The following RBMS3 variants were observed in gnomAD, a reference collection of about 807,000 sequenced individuals.
The protein encoded by RBMS3 is RNA-binding motif, single-stranded-interacting protein 3.
Under a neutral mutation model 66.8 loss-of-function variants are expected in RBMS3, and 27 were observed. The ratio of observed to expected loss-of-function variants is 0.40; its 90% CI spans 0.30 to 0.56. The LOEUF (loss-of-function observed/expected upper bound fraction) is 0.56. Ranked by LOEUF, RBMS3 falls within the 20% of genes least tolerant of loss-of-function variation. The pLI is 0.40. For missense variants in RBMS3, 513 were observed against 549.5 expected (o/e 0.93, Z 0.66); for synonymous variants, 188 against 183.0 (o/e 1.03, Z -0.22).
chr3:29,855,735 T>C (rs2059057870), intron 6 of RBMS3, among the ~76,000 whole-genome samples: 1 of 152,232 alleles, frequency 6.6e-6, no homozygotes, highest in Non-Finnish European at 1.5e-5. Context: ...TTAAGTTCAA[T>C]CTTGGCTTAT....
chr3:29,993,352 ATTGGCTATGTAT>A (rs1471900144), intron 14 of RBMS3, among the ~76,000 whole-genome samples: 1 of 151,932 alleles, frequency 6.6e-6, no homozygotes, highest in East Asian at 1.9e-4. Context: ...AGGAGCAGAT[ATTGGCTATGTAT>A]AAAGCATAGC....
intron 3 of RBMS3, among the ~76,000 whole-genome samples, chr3:29,532,961 A>T (rs2045422498): frequency 6.6e-6 from 1 of 152,120 alleles, no homozygotes; most frequent in African/African-American, 2.4e-5. Flanking sequence ...CGATTTTTGA[A>T]TTTCTACATA....
chr3:29,937,961 C>T (rs892139838), intron 11 of RBMS3, among the ~76,000 whole-genome samples: 4 of 151,524 alleles, frequency 2.6e-5, no homozygotes, highest in Admixed American at 6.6e-5. Context: ...GTAATTTTAC[C>T]GTATTGAATA....
chr3:29,609,343 A>G (rs2048417817), intron 4 of RBMS3, among the ~76,000 whole-genome samples: 1 of 151,978 alleles, frequency 6.6e-6, no homozygotes, highest in Non-Finnish European at 1.5e-5. Flanking sequence ...CAGGAAGCAC[A>G]GACCTCAATG....
chr3:29,895,043 T>C (rs2060094218), intron 8 of RBMS3, among the ~76,000 whole-genome samples: 1 of 151,540 alleles, frequency 6.6e-6, no homozygotes, highest in African/African-American at 2.4e-5. Flanking sequence ...CTGATTGTGC[T>C]AGCCAGTGCA....
At chr3:29,988,267 C>G (rs765580728) in intron 13 of RBMS3, 44 bp downstream of exon 13, 4 of 1,505,860 alleles carry the variant, frequency 2.7e-6, no homozygotes, top group Middle Eastern at 1.7e-4. Context: ...AGAAATAAAT[C>G]TCAGTCACAT....
chr3:29,849,122 A>G (rs1463947147), intron 6 of RBMS3, among the ~76,000 whole-genome samples: 6 of 152,028 alleles, frequency 3.9e-5, no homozygotes, highest in Non-Finnish European at 7.4e-5. Context: ...TCTTTCACAC[A>G]TACTTATGCA....
At chr3:29,362,418 C>T (rs1045549815) in intron 1 of RBMS3, among the ~76,000 whole-genome samples, 6 of 152,182 alleles carry the variant, frequency 3.9e-5, no homozygotes, top group Non-Finnish European at 5.9e-5. Flanking sequence ...GGTTTTGTCT[C>T]AGAGGAGTAC....
intron 12 of RBMS3, among the ~76,000 whole-genome samples, chr3:29,967,778 A>C (rs1326754311): frequency 6.6e-6 from 1 of 152,008 alleles, no homozygotes; most frequent in Non-Finnish European, 1.5e-5. Flanking sequence ...AGTAGCCTTG[A>C]ATTATCTTTT....
rs531654463 is a variant in RBMS3, at chr3:29,561,694, G to A, written c.308-25420G>A. Among the ~76,000 whole-genome samples, 224 of 152,060 alleles carry A rather than the reference G, an allele frequency of 1.5e-3. 1 individual carries two copies. The highest frequency in any genetic ancestry group is 5.1e-3 in the African/African-American group (210 of 41,484). The stretch of plus-strand genomic sequence containing the variant: ...TCTCAAACTCCTGACCTTGTGATCC[G>A]CCCGCCTCGGCCTCCCAAAGTGCTA... On this transcript the variant is annotated intron_variant, in intron 3 of 14. Coordinates refer to ENST00000383767, the MANE Select transcript of RBMS3 (RefSeq NM_001003793.3).
intron 7 of RBMS3, among the ~76,000 whole-genome samples, chr3:29,877,952 C>T (rs1158930081): frequency 6.6e-6 from 1 of 152,010 alleles, no homozygotes; most frequent in Non-Finnish European, 1.5e-5. Context: ...CATCTAGTAC[C>T]GTGGTCCTCA....
In RBMS3 at chr3:29,917,410, G is replaced by A. The variant is rs568881123; in HGVS notation, c.939+17655G>A. ...CTTTTTCATTTAAACAACATTTAAA[G>A]AGAACCCACTATGTACCAGATATGT... On this transcript the variant is annotated intron_variant, in intron 10 of 14. Coordinates refer to ENST00000383767, the MANE Select transcript of RBMS3 (RefSeq NM_001003793.3). Among the ~76,000 whole-genome samples, 89 of 152,148 alleles carry A rather than the reference G, an allele frequency of 5.8e-4. 1 individual carries two copies. Among genetic ancestry groups the A allele is most frequent in the African/African-American group, 2.0e-3 (84 of 41,522 alleles).
At chr3:29,724,091 T>G (rs1230831350) in intron 4 of RBMS3, among the ~76,000 whole-genome samples, 1 of 151,980 alleles carries the variant, frequency 6.6e-6, no homozygotes, top group Non-Finnish European at 1.5e-5. Context: ...ATAGGAACAG[T>G]GTTATGTTTC....
At chr3:29,316,034 T>C (rs2034653024) in intron 1 of RBMS3, among the ~76,000 whole-genome samples, 1 of 151,742 alleles carries the variant, frequency 6.6e-6, no homozygotes. Flanking sequence ...CTACCTCTTA[T>C]TGGTTTTGAT....
At chr3:29,607,580 C>T (rs749911216) in intron 4 of RBMS3, among the ~76,000 whole-genome samples, 1 of 151,912 alleles carries the variant, frequency 6.6e-6, no homozygotes, top group Non-Finnish European at 1.5e-5. Context: ...TGGGGGGATG[C>T]AACATTCAGA....
intron 4 of RBMS3, among the ~76,000 whole-genome samples, chr3:29,666,153 G>A (rs1341613541): frequency 1.3e-5 from 2 of 152,098 alleles, no homozygotes; most frequent in African/African-American, 4.8e-5. Context: ...TCTCTTTCAA[G>A]CATTTGTTCA....
In RBMS3 at chr3:29,478,652, T is replaced by A. The variant is rs1431926019; in HGVS notation, c.249-9789T>A. Among the ~76,000 whole-genome samples, 6 of 152,330 alleles carry A rather than the reference T, an allele frequency of 3.9e-5. No homozygotes were observed. In the East Asian group the frequency reaches 9.6e-4, roughly 24 times the overall value. On this transcript the variant is annotated intron_variant, in intron 2 of 14. Transcript: ENST00000383767. ...GAAAATGGTTACATATGTTGCAGAT[T>A]TAATGGAGTTTTCTCTTAAAACTGA...
intron 1 of RBMS3, among the ~76,000 whole-genome samples, chr3:29,422,338 A>G (rs934338790): frequency 6.6e-6 from 1 of 151,730 alleles, no homozygotes; most frequent in African/African-American, 2.4e-5. Flanking sequence ...GAGAAGAAAA[A>G]GCAGAACTGT....
chr3:29,478,335 TGTCTAATG>T (rs1439776872), intron 2 of RBMS3, among the ~76,000 whole-genome samples: 5 of 152,144 alleles, frequency 3.3e-5, no homozygotes, highest in Admixed American at 3.3e-4. Flanking sequence ...GCTGGTTCAT[TGTCTAATG>T]AGGGCCCCAT....
Sources: gnomAD v4.1 joint callset for allele counts (sites outside exome capture counted in the v4.1 genomes callset) on GRCh38, gnomAD v4.1.1 for gene constraint, MANE v1.5 for transcripts, NCBI Gene and HGNC (gene_info 2026-07-23, HGNC 2026-07-21) for gene names.